Variants in NID1 observed in about 807,000 individuals in gnomAD.
NID1 encodes the protein nidogen 1.
NID1 carries 76 observed loss-of-function variants against 130.6 expected under a neutral mutation model. That is an observed-to-expected ratio of 0.58 (90% CI 0.48 to 0.70). The LOEUF is 0.70. NID1 is among the 30% of genes least tolerant of loss of function. NID1 has a pLI of 0.00. For missense variants in NID1, 1,517 were observed against 1,664.8 expected, an observed-to-expected ratio of 0.91 and a Z score of 1.54; for synonymous variants, 665 against 675.1, an observed-to-expected ratio of 0.98 and a Z score of 0.23.
intron 13 of NID1, among the ~76,000 whole-genome samples, chr1:235,992,089 G>GCT (rs770275257): frequency 1.4e-4 from 21 of 152,192 alleles, no homozygotes; most frequent in Non-Finnish European, 2.9e-4. Context: ...GGCTAAGAGG[G>GCT]CTGATTGGGT....
At chr1:236,022,029 C>T (rs1359781797) in intron 9 of NID1, among the ~76,000 whole-genome samples, 1 of 152,056 alleles carries the variant, frequency 6.6e-6, no homozygotes, top group Non-Finnish European at 1.5e-5. Flanking sequence ...AAGAGCGTTG[C>T]GAGGCCAAGG....
chr1:236,029,192 G>T (rs1659025322), intron 7 of NID1, among the ~76,000 whole-genome samples: 1 of 145,764 alleles, frequency 6.9e-6, no homozygotes, highest in Non-Finnish European at 1.5e-5. Flanking sequence ...AAAAAAAAAA[G>T]TACAAATAGA....
chr1:236,047,512 G>A (rs553037523), intron 2 of NID1, among the ~76,000 whole-genome samples: 4 of 151,996 alleles, frequency 2.6e-5, no homozygotes, highest in South Asian at 2.1e-4. Context: ...GGGCAAGTCC[G>A]TGCTCTACAG....
chr1:236,045,800 A>T, intron 2 of NID1, 117 bp from the exon 3 acceptor site: 3 of 762,692 alleles, frequency 3.9e-6, no homozygotes, highest in Non-Finnish European at 6.2e-6. Context: ...CAATATTCTC[A>T]CCTTATTCTA....
At chr1:236,057,293 T>C (rs149300311) in intron 1 of NID1, among the ~76,000 whole-genome samples, 66 of 152,112 alleles carry the variant, frequency 4.3e-4, no homozygotes, top group African/African-American at 1.4e-3. Flanking sequence ...CGCACTTTAG[T>C]TTTTATGAAT....
intron 7 of NID1, among the ~76,000 whole-genome samples, chr1:236,028,290 C>T (rs1456008061): frequency 6.6e-6 from 1 of 152,148 alleles, no homozygotes; most frequent in Non-Finnish European, 1.5e-5. Context: ...GGTATGATTG[C>T]AATTTTATTT....
At chr1:236,063,122 C>T (rs1443603605) in intron 1 of NID1, among the ~76,000 whole-genome samples, 1 of 141,796 alleles carries the variant, frequency 7.1e-6, no homozygotes, top group Non-Finnish European at 1.5e-5. Context: ...CCACTGCACT[C>T]CAGCTTGTGC....
chr1:236,001,356 C>T lies in NID1; in HGVS notation c.2528-7484G>A, dbSNP rs549903247. ...TCCTGACCTCGTGATTCACCCGCCT[C>T]GGCCTCCCAAAGTGCTGGGATTACA... is the stretch of plus-strand genomic sequence containing the variant. On this transcript the variant is annotated intron_variant, in intron 12 of 19. Transcript: ENST00000264187. Among the ~76,000 whole-genome samples the T allele has an allele frequency of 5.3e-5, 8 of 152,260 alleles. No individual in the cohort carries two copies. The South Asian group carries it at 8.3e-4, about 16-fold the overall frequency.
chr1:236,030,382 C>T (rs1398160119), intron 6 of NID1, among the ~76,000 whole-genome samples: 2 of 152,218 alleles, frequency 1.3e-5, no homozygotes, highest in East Asian at 3.8e-4. Flanking sequence ...GGTTGACAAA[C>T]TATGGCCTCA....
At chr1:236,001,179 T>A (rs6657431) in intron 12 of NID1, among the ~76,000 whole-genome samples, 2 of 150,272 alleles carry the variant, frequency 1.3e-5, no homozygotes, top group South Asian at 2.1e-4. Flanking sequence ...AATCTCAGCT[T>A]ACCGCAACCT....
At chr1:236,057,316 A>G (rs1659922240) in intron 1 of NID1, among the ~76,000 whole-genome samples, 1 of 152,204 alleles carries the variant, frequency 6.6e-6, no homozygotes, top group Non-Finnish European at 1.5e-5. Flanking sequence ...TGGTGAGTAA[A>G]AGGCTAGAGG....
At position 236,042,029 on chromosome 1, in the gene NID1, G is replaced by A; in HGVS notation, c.1016C>T (p.Thr339Ile). The A allele has an allele frequency of 6.2e-7, 1 of 1,614,176 alleles. No homozygotes were observed. The highest frequency in any genetic ancestry group is 8.5e-7 in the Non-Finnish European group (1 of 1,180,046). Residue 339 changes from threonine (T) to isoleucine (I), a missense_variant, in exon 4 of 20, where the codon ACC becomes ATC. Physicochemically the swap from Thr to Ile is moderately conservative, Grantham distance 89 (BLOSUM62 -1). Coordinates refer to ENST00000264187, the MANE Select transcript of NID1 (RefSeq NM_002508.3). Reference protein sequence around the residue: ...PSVLSPRRAATERPLGPPTER... With the variant: ...PSVLSPRRAAIERPLGPPTER... ...TGTGGGAGGTCCAAGGGGCCTTTCG[G>A]TAGCTGCCCGGCGCGGGGAGAGGAC...
chr1:236,016,888 A>G (rs1186002807), intron 10 of NID1, among the ~76,000 whole-genome samples: 1 of 152,232 alleles, frequency 6.6e-6, no homozygotes, highest in Non-Finnish European at 1.5e-5. Flanking sequence ...GAAGTTTATA[A>G]GAGGCAAATG....
intron 1 of NID1, among the ~76,000 whole-genome samples, chr1:236,062,310 T>C (rs1214928971): frequency 6.6e-6 from 1 of 152,184 alleles, no homozygotes; most frequent in East Asian, 1.9e-4. Flanking sequence ...TGATAATCTT[T>C]TAAAGTTAAA....
intron 14 of NID1, among the ~76,000 whole-genome samples, chr1:235,987,674 G>A (rs542449485): frequency 6.6e-6 from 1 of 152,256 alleles, no homozygotes; most frequent in African/African-American, 2.4e-5. Flanking sequence ...AATTGTTCAG[G>A]TACAAGAAAC....
intron 10 of NID1, among the ~76,000 whole-genome samples, chr1:236,016,335 C>G (rs1658593903): frequency 6.6e-6 from 1 of 152,084 alleles, no homozygotes; most frequent in Non-Finnish European, 1.5e-5. Context: ...AGCTTTGAGA[C>G]AGAGCAAAAA....
chr1:235,991,127 ACCCC>A (rs796719314), intron 13 of NID1, 69 bp from the exon 14 acceptor site: 41 of 1,294,254 alleles, frequency 3.2e-5, no homozygotes, highest in East Asian at 5.0e-5. Context: ...ACACACACAC[ACCCC>A]CACACACATG....
chr1:236,014,312 C>T (rs149757972), intron 10 of NID1, among the ~76,000 whole-genome samples: 108 of 151,690 alleles, frequency 7.1e-4, no homozygotes, highest in African/African-American at 2.5e-3. Context: ...AACATGAGTC[C>T]TCCTTCATCT....
At chr1:236,030,073 T>A (rs1167514694) in intron 6 of NID1, among the ~76,000 whole-genome samples, 1 of 152,176 alleles carries the variant, frequency 6.6e-6, no homozygotes, top group Non-Finnish European at 1.5e-5. Context: ...TTGAGTAAGC[T>A]ACTTAACTCC....
Sources: gnomAD v4.1 joint callset for allele counts (sites outside exome capture counted in the v4.1 genomes callset) on GRCh38, gnomAD v4.1.1 for gene constraint, MANE v1.5 for transcripts, NCBI Gene and HGNC (gene_info 2026-07-23, HGNC 2026-07-21) for gene names.